PTGER3: variants seen among roughly 807,000 people sequenced by gnomAD.
PTGER3 encodes prostaglandin E2 receptor EP3 subtype.
Under a neutral mutation model 34.7 loss-of-function variants are expected in PTGER3, and 22 were observed. The observed-to-expected ratio is 0.63, with a 90% CI of 0.45 to 0.91. PTGER3 has a LOEUF of 0.91. Ranked by LOEUF, PTGER3 falls within the 40% of genes least tolerant of loss-of-function variation. PTGER3 has a pLI of 0.00. For synonymous variants in PTGER3, 241 were observed against 230.1 expected, an observed-to-expected ratio of 1.05 and a Z score of -0.43; for missense variants, 468 against 519.4, an observed-to-expected ratio of 0.90 and a Z score of 0.96.
chr1:70,917,343 A>T (rs1647197450), intron 4 of PTGER3, among the ~76,000 whole-genome samples: 1 of 150,940 alleles, frequency 6.6e-6, no homozygotes, highest in African/African-American at 2.4e-5. Context: ...CTTCAGGTTC[A>T]TCTGTGTTGC....
At position 70,877,295 on chromosome 1, in the gene PTGER3, A is replaced by G. The variant is rs187600580; in HGVS notation, c.*24-24436T>C. On this transcript the variant is annotated intron_variant, in intron 4 of 4. Coordinates refer to the PTGER3 transcript ENST00000370931. The stretch of plus-strand genomic sequence containing the variant: ...ATAGAAATGCTACTGATTTCTGTAC[A>G]TTGACTTTGTATCCTGAAACTTTGC... Among the ~76,000 whole-genome samples, 6 of 152,282 alleles carry G rather than the reference A, an allele frequency of 3.9e-5. No homozygotes were observed. In the South Asian group the frequency reaches 6.2e-4, roughly 16 times the overall value.
At chr1:70,865,378 A>T (rs1397298839) in intron 4 of PTGER3, among the ~76,000 whole-genome samples, 1 of 147,558 alleles carries the variant, frequency 6.8e-6, no homozygotes, top group Non-Finnish European at 1.5e-5. Context: ...GGAAATAGAG[A>T]GACAGATTAG....
At chr1:70,932,777 C>A (rs1031544498) in intron 4 of PTGER3, among the ~76,000 whole-genome samples, 6 of 152,048 alleles carry the variant, frequency 3.9e-5, no homozygotes, top group Non-Finnish European at 8.8e-5. Flanking sequence ...AACTATATCA[C>A]CTCCCTCTTT....
intron 2 of PTGER3, among the ~76,000 whole-genome samples, chr1:70,964,900 G>A (rs148452697): frequency 4.0e-4 from 61 of 152,286 alleles, no homozygotes; most frequent in African/African-American, 1.4e-3. Context: ...CACACCAGAC[G>A]TGGAAGTGAG....
Position 70,971,743 on chromosome 1 carries a change from T to C in PTGER3, c.1170-10A>G, listed in dbSNP as rs1436096098. 5.9e-6 allele frequency: 9 copies of C among 1,534,260 alleles called. No homozygotes were observed. The highest frequency in any genetic ancestry group is 1.9e-5 in the Admixed American group (1 of 54,040). On this transcript the variant is annotated splice_polypyrimidine_tract_variant and intron_variant, in intron 3 of 3. Transcript: ENST00000306666. ...TCCGTTCTTTCATTATCTGTTAGAA[T>C]AGAGAGAGAAAGATGCAATAAGCAT... is the stretch of plus-strand genomic sequence containing the variant.
chr1:70,938,987 C>T (rs1649505372), intron 4 of PTGER3, among the ~76,000 whole-genome samples: 1 of 152,116 alleles, frequency 6.6e-6, no homozygotes, highest in African/African-American at 2.4e-5. Context: ...CCCAAAAGTC[C>T]ACAATTGAAA....
At chr1:70,915,603 G>A (rs1237875535) in intron 4 of PTGER3, among the ~76,000 whole-genome samples, 1 of 151,876 alleles carries the variant, frequency 6.6e-6, no homozygotes, top group Non-Finnish European at 1.5e-5. Flanking sequence ...TGACTGTTGA[G>A]GAATTCCCAA....
At chr1:70,984,154 A>G (rs962911055) in intron 2 of PTGER3, among the ~76,000 whole-genome samples, 7 of 152,120 alleles carry the variant, frequency 4.6e-5, no homozygotes, top group Non-Finnish European at 8.8e-5. Flanking sequence ...TTGGAGGCCA[A>G]TATGTGTGGA....
At chr1:70,901,508 C>A (rs1237057302) in intron 4 of PTGER3, among the ~76,000 whole-genome samples, 1 of 152,110 alleles carries the variant, frequency 6.6e-6, no homozygotes, top group Admixed American at 6.6e-5. Flanking sequence ...TGCCAACTCC[C>A]AGAATAGTTA....
intron 4 of PTGER3, among the ~76,000 whole-genome samples, chr1:70,854,529 G>C (rs910419786): frequency 1.3e-5 from 2 of 152,108 alleles, no homozygotes; most frequent in African/African-American, 4.8e-5. Flanking sequence ...TGCTCATGGG[G>C]ACAGATTTCC....
At chr1:70,974,062 T>C (rs987274758) in intron 3 of PTGER3, among the ~76,000 whole-genome samples, 4 of 152,280 alleles carry the variant, frequency 2.6e-5, no homozygotes, top group African/African-American at 9.6e-5. Flanking sequence ...GCAAGAGACT[T>C]GATCAGTCAC....
intron 4 of PTGER3, among the ~76,000 whole-genome samples, chr1:70,935,618 A>G (rs1649136858): frequency 6.6e-6 from 1 of 150,488 alleles, no homozygotes. Flanking sequence ...TAATTGGGAT[A>G]CTTTGAAAAT....
chr1:70,899,338 TG>T (rs575085773), intron 4 of PTGER3, among the ~76,000 whole-genome samples: 89 of 152,110 alleles, frequency 5.9e-4, no homozygotes, highest in Non-Finnish European at 1.1e-3. Context: ...TAACTTGTGG[TG>T]CATATATATA....
chr1:71,019,657 A>T (rs1428723805), intron 1 of PTGER3, among the ~76,000 whole-genome samples: 2 of 152,214 alleles, frequency 1.3e-5, no homozygotes, highest in African/African-American at 2.4e-5. Flanking sequence ...GGCTGTCTTT[A>T]ATATTCTATC....
chr1:70,876,913 G>C (rs1484491666), intron 4 of PTGER3, among the ~76,000 whole-genome samples: 4 of 152,104 alleles, frequency 2.6e-5, no homozygotes, highest in Admixed American at 6.5e-5. Context: ...TGTACTTTTT[G>C]CTTAGAATGG....
At chr1:70,869,843 A>G (rs1324037394) in intron 4 of PTGER3, among the ~76,000 whole-genome samples, 4 of 152,036 alleles carry the variant, frequency 2.6e-5, no homozygotes, top group Admixed American at 1.3e-4. Flanking sequence ...GGTTGCTGTC[A>G]TGGGTTGGAG....
At chr1:70,945,755 CATTTT>C (rs1650170922) in intron 4 of PTGER3, among the ~76,000 whole-genome samples, 1 of 151,970 alleles carries the variant, frequency 6.6e-6, no homozygotes, top group Non-Finnish European at 1.5e-5. Context: ...TAAAAAATCT[CATTTT>C]ATGATGTAAA....
intron 2 of PTGER3, among the ~76,000 whole-genome samples, chr1:70,983,145 A>G (rs888277442): frequency 6.6e-6 from 1 of 152,022 alleles, no homozygotes; most frequent in African/African-American, 2.4e-5. Context: ...GGAACTGTGG[A>G]AATGCAAAAC....
chr1:71,024,645 C>CTTTTTTTTTTTTTT (rs35271200), intron 1 of PTGER3, among the ~76,000 whole-genome samples: 2 of 117,164 alleles, frequency 1.7e-5, no homozygotes, highest in Admixed American at 9.3e-5. Context: ...CCTTTTCTTT[C>CTTTTTTTTTTTTTT]TTTTTTTTTT....
Sources: gnomAD v4.1 joint callset for allele counts (sites outside exome capture counted in the v4.1 genomes callset) on GRCh38, gnomAD v4.1.1 for gene constraint, MANE v1.5 for transcripts, NCBI Gene and HGNC (gene_info 2026-07-23, HGNC 2026-07-21) for gene names.